Variants in WWTR1 observed in about 807,000 individuals in gnomAD.
The protein encoded by WWTR1 is WW domain-containing transcription regulator protein 1.
Under a neutral mutation model 40.1 loss-of-function variants are expected in WWTR1, and 13 were observed. The ratio of observed to expected loss-of-function variants is 0.32; its 90% CI spans 0.21 to 0.52. The LOEUF is 0.52. Ranked by LOEUF, WWTR1 falls within the 20% of genes least tolerant of loss-of-function variation. The pLI, the probability that WWTR1 is intolerant of heterozygous loss-of-function variation, is 0.97. For synonymous variants in WWTR1, 230 were observed against 210.1 expected, an observed-to-expected ratio of 1.09 and a Z score of -0.82; for missense variants, 436 against 523.1, an observed-to-expected ratio of 0.83 and a Z score of 1.63.
At chr3:149,527,739 G>T in intron 5 of WWTR1, 97 bp downstream of exon 5, 1 of 1,551,732 alleles carries the variant, frequency 6.4e-7, no homozygotes, top group African/African-American at 1.4e-5. Context: ...CAACCCTCAA[G>T]CTCCCCACCT....
chr3:149,577,836 A>G (rs575999133), intron 2 of WWTR1, among the ~76,000 whole-genome samples: 34 of 152,064 alleles, frequency 2.2e-4, no homozygotes, highest in Admixed American at 2.1e-3. Flanking sequence ...CTCCCCTCAG[A>G]CTGGCCTCCC....
intron 4 of WWTR1, among the ~76,000 whole-genome samples, chr3:149,723,387 C>T (rs1454373259): frequency 6.6e-6 from 1 of 151,936 alleles, no homozygotes; most frequent in East Asian, 1.9e-4. Context: ...GGGGTTTCTC[C>T]GTGTTGGTCA....
rs146962269 is a variant in WWTR1, at chr3:149,618,469, G to A, written c.431+38407C>T. On this transcript the variant is annotated intron_variant, in intron 2 of 6. Transcript: ENST00000360632. The stretch of plus-strand genomic sequence containing the variant: ...CAACACCACCCAAGGCAGGCAAGAG[G>A]CTAGAGAGCTTACCCAATGTCACAC... 2.9e-3 allele frequency among the ~76,000 whole-genome samples: 449 copies of A among 152,282 alleles called. 4 individuals are homozygous for A. Among genetic ancestry groups the A allele is most frequent in the African/African-American group, 9.8e-3 (408 of 41,544 alleles).
In WWTR1 at chr3:149,656,938, C is replaced by A; in HGVS notation, c.369G>T (p.Glu123Asp). ...TCTCCCAGCCCGGGGGCAGTGGCAG[C>A]TCGTCGGTCACGTCGTAGGACTGCT... ...LRQQSYDVTD[E>D]LPLPPGWEMT... The change falls in exon 2 of 7, where the codon GAG becomes GAT. Residue 123 changes from glutamate to aspartate, a missense_variant. Glu to Asp is a conservative substitution (Grantham distance 45). Coordinates refer to ENST00000360632, the MANE Select transcript of WWTR1 (RefSeq NM_015472.6). 6.3e-7 allele frequency: 1 copy of A among 1,575,054 alleles called. No homozygotes were observed.
At chr3:149,657,445 TG>T in intron 1 of WWTR1, 136 bp from the exon 2 acceptor site, 1 of 1,047,928 alleles carries the variant, frequency 9.5e-7, no homozygotes, top group Non-Finnish European at 1.3e-6. Context: ...ATTGCCCGCC[TG>T]GAGATCCCAG....
rs1198622959 is a variant in WWTR1 at position 149,518,920 on chromosome 3, C to T, written c.*1885G>A. 4 of 151,744 alleles carry T rather than the reference C, an allele frequency of 2.6e-5. No individual in the cohort carries two copies. Among genetic ancestry groups the T allele is most frequent in the African/African-American group, 9.7e-5 (4 of 41,304 alleles). 9.4% of individuals were successfully genotyped at this position (151,744 alleles called of 1,614,324 possible). A position where few individuals can be genotyped will look rare whatever the true frequency, so the allele number is the denominator to read the frequency against. On this transcript the variant is annotated 3_prime_UTR_variant, in exon 7 of 7. Transcript: ENST00000360632. ...GTATCCTTTCCACGATATTCCATAA[C>T]TTTGCTACTTCATCTCTGACCTTTT...
chr3:149,568,835 C>G (rs1737481363), intron 3 of WWTR1, among the ~76,000 whole-genome samples: 1 of 152,142 alleles, frequency 6.6e-6, no homozygotes, highest in Admixed American at 6.5e-5. Context: ...GGCGCAATCT[C>G]GGCTCACTGC....
intron 2 of WWTR1, among the ~76,000 whole-genome samples, chr3:149,632,917 G>C (rs1711614670): frequency 6.6e-6 from 1 of 152,222 alleles, no homozygotes; most frequent in African/African-American, 2.4e-5. Flanking sequence ...ATGTGGAGGA[G>C]AGGGGCATGG....
At chr3:149,705,066 TAGAC>T (rs146722894), upstream of WWTR1, among the ~76,000 whole-genome samples, 6,553 of 152,040 alleles carry the variant, frequency 0.043, 251 homozygotes, top group African/African-American at 0.1. Context: ...TTTTAAAACT[TAGAC>T]AGTTTATATG....
intron 2 of WWTR1, among the ~76,000 whole-genome samples, chr3:149,583,132 A>G (rs1481999667): frequency 6.6e-6 from 1 of 151,950 alleles, no homozygotes; most frequent in Non-Finnish European, 1.5e-5. Flanking sequence ...CACCTGACGA[A>G]TTTTTGTATT....
At chr3:149,592,531 C>T (rs1259719384) in intron 2 of WWTR1, among the ~76,000 whole-genome samples, 1 of 152,160 alleles carries the variant, frequency 6.6e-6, no homozygotes, top group Non-Finnish European at 1.5e-5. Context: ...CGACAAAGTT[C>T]ATTCAAAGCA....
chr3:149,651,588 A>G (rs998951931), intron 2 of WWTR1, among the ~76,000 whole-genome samples: 1 of 152,230 alleles, frequency 6.6e-6, no homozygotes, highest in Non-Finnish European at 1.5e-5. Context: ...CTAGGGAAAA[A>G]ATTTAAGAAA....
At chr3:149,618,354 G>A (rs1243174871) in intron 2 of WWTR1, among the ~76,000 whole-genome samples, 1 of 152,196 alleles carries the variant, frequency 6.6e-6, no homozygotes, top group Non-Finnish European at 1.5e-5. Context: ...CTGGTACCAA[G>A]CTTGAGGTAA....
At chr3:149,571,524 A>C (rs1737629483) in intron 3 of WWTR1, among the ~76,000 whole-genome samples, 1 of 151,766 alleles carries the variant, frequency 6.6e-6, no homozygotes, top group Non-Finnish European at 1.5e-5. Context: ...TAGATAAGGA[A>C]CTCCACAGAG....
chr3:149,595,505 A>G (rs1234240854), intron 2 of WWTR1, among the ~76,000 whole-genome samples: 1 of 152,180 alleles, frequency 6.6e-6, no homozygotes, highest in Non-Finnish European at 1.5e-5. Context: ...TGAAAATACT[A>G]CTATTAAATA....
chr3:149,565,006 G>A (rs1421619958), intron 3 of WWTR1, among the ~76,000 whole-genome samples: 7 of 151,994 alleles, frequency 4.6e-5, no homozygotes, highest in Non-Finnish European at 1.0e-4. Flanking sequence ...GGCCAACGTG[G>A]TGAAAACCTA....
intron 3 of WWTR1, among the ~76,000 whole-genome samples, chr3:149,571,214 C>CTTTTTTTTTTTTTTT (rs10535515): frequency 9.9e-6 from 1 of 101,276 alleles, no homozygotes; most frequent in Non-Finnish European, 1.9e-5. Context: ...TTTTTCTTTT[C>CTTTTTTTTTTTTTTT]TTTTTTTTTT....
chr3:149,576,447 A>ATCTC (rs1737884021), intron 2 of WWTR1, among the ~76,000 whole-genome samples: 1 of 151,896 alleles, frequency 6.6e-6, no homozygotes, highest in South Asian at 2.1e-4. Flanking sequence ...TCACAGTGTA[A>ATCTC]TCTCAGTGTT....
chr3:149,648,028 T>C (rs1712635246), intron 2 of WWTR1, among the ~76,000 whole-genome samples: 1 of 152,194 alleles, frequency 6.6e-6, no homozygotes, highest in South Asian at 2.1e-4. Context: ...TCTATACCTC[T>C]CTTCCCATCC....
Sources: gnomAD v4.1 joint callset for allele counts (sites outside exome capture counted in the v4.1 genomes callset) on GRCh38, gnomAD v4.1.1 for gene constraint, MANE v1.5 for transcripts, NCBI Gene and HGNC (gene_info 2026-07-23, HGNC 2026-07-21) for gene names.